The following CSGALNACT1 variants were observed in gnomAD, a reference collection of about 807,000 sequenced individuals.
The protein encoded by CSGALNACT1 is beta4GalNAcT-1.
A neutral mutation model predicts 51.0 loss-of-function variants in CSGALNACT1; 52 were observed. The ratio of observed to expected loss-of-function variants is 1.02; its 90% CI spans 0.82 to 1.29. The LOEUF (loss-of-function observed/expected upper bound fraction) is 1.29. Among genes scored for constraint, CSGALNACT1 ranks in the 50% most tolerant of loss-of-function variants. CSGALNACT1 has a pLI of 0.00. For missense variants in CSGALNACT1, 935 were observed against 679.2 expected (o/e 1.38, Z -4.19); for synonymous variants, 341 against 254.4 (o/e 1.34, Z -3.24).
chr8:19,538,109 G>A (rs2084193275), intron 3 of CSGALNACT1, among the ~76,000 whole-genome samples: 1 of 152,104 alleles, frequency 6.6e-6, no homozygotes, highest in Non-Finnish European at 1.5e-5. Flanking sequence ...TTGAGGCCAG[G>A]AGTTCAAGAT....
intron 4 of CSGALNACT1, among the ~76,000 whole-genome samples, chr8:19,492,723 A>G (rs573194469): frequency 3.2e-4 from 48 of 152,222 alleles, no homozygotes; most frequent in Non-Finnish European, 6.5e-4. Context: ...TAGCAATGGC[A>G]TAATGCTGCC....
intron 4 of CSGALNACT1, among the ~76,000 whole-genome samples, chr8:19,461,841 T>C (rs13275682): frequency 0.038 from 1,439 of 37,818 alleles, 467 homozygotes; most frequent in East Asian, 0.37. Flanking sequence ...AGGGTGTATC[T>C]GCACAGCAGC....
intron 1 of CSGALNACT1, among the ~76,000 whole-genome samples, chr8:19,660,280 G>A (rs921470392): frequency 3.3e-5 from 5 of 152,232 alleles, no homozygotes; most frequent in African/African-American, 1.2e-4. Context: ...AGATGAAAGA[G>A]TGCAGTCTGG....
intron 3 of CSGALNACT1, among the ~76,000 whole-genome samples, chr8:19,540,355 G>C (rs560964341): frequency 6.6e-6 from 1 of 152,098 alleles, no homozygotes; most frequent in Non-Finnish European, 1.5e-5. Context: ...TACCTGGGTC[G>C]GGATTATAAA....
At chr8:19,529,582 G>A (rs1046961646) in intron 3 of CSGALNACT1, among the ~76,000 whole-genome samples, 4 of 152,200 alleles carry the variant, frequency 2.6e-5, no homozygotes, top group African/African-American at 4.8e-5. Context: ...TATCAAATAC[G>A]TATCAATATC....
At chr8:19,550,128 TTC>T (rs778302986) in intron 3 of CSGALNACT1, among the ~76,000 whole-genome samples, 58 of 152,282 alleles carry the variant, frequency 3.8e-4, no homozygotes, top group Middle Eastern at 3.4e-3. Context: ...ATTTTCTTCA[TTC>T]TCTTTCTGAA....
chr8:19,569,860 T>C (rs1458003247), intron 3 of CSGALNACT1, among the ~76,000 whole-genome samples: 2 of 152,192 alleles, frequency 1.3e-5, no homozygotes, highest in African/African-American at 2.4e-5. Context: ...CATACAATAC[T>C]TCACAGCAAC....
intron 4 of CSGALNACT1, among the ~76,000 whole-genome samples, chr8:19,489,201 C>T (rs1365520344): frequency 6.6e-6 from 1 of 152,078 alleles, no homozygotes; most frequent in Non-Finnish European, 1.5e-5. Flanking sequence ...ATGATTATTA[C>T]AACAGAAATA....
At chr8:19,438,293 T>G (rs1015196747) in intron 6 of CSGALNACT1, among the ~76,000 whole-genome samples, 3 of 152,182 alleles carry the variant, frequency 2.0e-5, no homozygotes, top group Non-Finnish European at 2.9e-5. Context: ...CACTTTAGAA[T>G]CATCCGGGAA....
In CSGALNACT1 at chr8:19,536,756, AATT is replaced by A. The variant is rs562193188; in HGVS notation, c.-296-30629_-296-30627del. On this transcript the variant is annotated intron_variant, in intron 3 of 9. Transcript: ENST00000454498. ...GAGAAATCAGTCTACTAGTTTCAAG[AATT>A]ATTATACAGCTACAGCAGTTGAGAC... Among the ~76,000 whole-genome samples the A allele has an allele frequency of 1.6e-4, 25 of 152,346 alleles. No homozygotes were observed. The East Asian group carries it at 4.8e-3, about 29-fold the overall frequency.
intron 1 of CSGALNACT1, among the ~76,000 whole-genome samples, chr8:19,664,318 T>TA (rs1408102442): frequency 2.0e-5 from 3 of 152,226 alleles, no homozygotes; most frequent in Admixed American, 6.5e-5. Context: ...TGGCTACTAT[T>TA]AAAGAGTCAA....
chr8:19,695,808 T>C (rs1456210172), intron 1 of CSGALNACT1, among the ~76,000 whole-genome samples: 2 of 152,138 alleles, frequency 1.3e-5, no homozygotes, highest in African/African-American at 4.8e-5. Context: ...GCTTTCTCCT[T>C]CAGCGCAGGA....
At chr8:19,604,893 C>T (rs11997433), upstream of CSGALNACT1, among the ~76,000 whole-genome samples, 3 of 135,400 alleles carry the variant, frequency 2.2e-5, no homozygotes, top group African/African-American at 8.4e-5. Flanking sequence ...CCAGCCTGGG[C>T]GACAGAGCAA....
intron 1 of CSGALNACT1, among the ~76,000 whole-genome samples, chr8:19,677,389 G>T (rs779227364): frequency 2.0e-5 from 3 of 152,312 alleles, no homozygotes. Flanking sequence ...GGGATTACAG[G>T]TGTGAGCCAC....
intron 1 of CSGALNACT1, among the ~76,000 whole-genome samples, chr8:19,742,623 A>C (rs931729630): frequency 3.9e-5 from 6 of 152,246 alleles, no homozygotes; most frequent in Admixed American, 2.6e-4. Context: ...GGGAATTTTC[A>C]TCATTGAGAT....
At chr8:19,699,850 C>A (rs1479363695) in intron 1 of CSGALNACT1, among the ~76,000 whole-genome samples, 1 of 152,112 alleles carries the variant, frequency 6.6e-6, no homozygotes, top group East Asian at 1.9e-4. Context: ...GGTGGCTCAG[C>A]CTGTAATCCC....
rs868046494 is a variant in CSGALNACT1, at chr8:19,564,415, T to A, written c.-297+26745A>T. ...GGTTCAGGTATTTTTTTTTTTTTTT[T>A]AAAGTTCCTGCAAGATATTTCTAAT... On this transcript the variant is annotated intron_variant, in intron 3 of 9. Transcript: ENST00000454498. Among the ~76,000 whole-genome samples the A allele has an allele frequency of 4.6e-3, 681 of 146,718 alleles. 3 individuals are homozygous for A. The highest frequency in any genetic ancestry group is 0.017 in the African/African-American group (637 of 38,088).
chr8:19,466,067 A>G (rs78747899), intron 4 of CSGALNACT1, among the ~76,000 whole-genome samples: 6 of 152,222 alleles, frequency 3.9e-5, no homozygotes, highest in African/African-American at 1.4e-4. Flanking sequence ...ACAGTTGTTT[A>G]AGTAAAAGCT....
At chr8:19,557,435 A>G (rs1359450060) in intron 3 of CSGALNACT1, among the ~76,000 whole-genome samples, 4 of 152,056 alleles carry the variant, frequency 2.6e-5, no homozygotes, top group Admixed American at 1.3e-4. Context: ...TACATCCCAA[A>G]TCCTGGACCA....
Sources: allele counts gnomAD v4.1 joint callset (sites outside exome capture counted in the v4.1 genomes callset), GRCh38; gene constraint gnomAD v4.1.1; transcripts MANE v1.5; gene names NCBI Gene and HGNC (gene_info 2026-07-23, HGNC 2026-07-21).